The following MRPL3 variants were observed in gnomAD, a reference collection of about 807,000 sequenced individuals.
MRPL3 encodes the protein large ribosomal subunit protein uL3m.
MRPL3 carries 43 observed loss-of-function variants against 44.3 expected under a neutral mutation model. The ratio of observed to expected loss-of-function variants is 0.97; its 90% CI spans 0.76 to 1.25. The LOEUF is 1.25. Among genes scored for constraint, MRPL3 ranks in the 50% most tolerant of loss-of-function variants. The pLI is 0.00. For missense variants in MRPL3, 406 were observed against 427.6 expected (o/e 0.95, Z 0.45); for synonymous variants, 171 against 152.3 (o/e 1.12, Z -0.91).
chr3:131,499,902 C>T (rs1338360373), intron 3 of MRPL3, among the ~76,000 whole-genome samples: 1 of 152,104 alleles, frequency 6.6e-6, no homozygotes, highest in Non-Finnish European at 1.5e-5. Context: ...AATAGAGTAT[C>T]TTTTACAGAT....
intron 6 of MRPL3, among the ~76,000 whole-genome samples, chr3:131,481,693 C>T (rs990677577): frequency 2.6e-5 from 4 of 152,138 alleles, no homozygotes; most frequent in African/African-American, 9.7e-5. Context: ...AATATAACCC[C>T]AACACACTGC....
intron 6 of MRPL3, among the ~76,000 whole-genome samples, chr3:131,473,885 T>A (rs1470305189): frequency 6.6e-6 from 1 of 152,106 alleles, no homozygotes; most frequent in Non-Finnish European, 1.5e-5. Context: ...TTAGAATGGC[T>A]ACTGTCAAAA....
At chr3:131,475,071 C>T (rs1233012597) in intron 6 of MRPL3, among the ~76,000 whole-genome samples, 1 of 152,046 alleles carries the variant, frequency 6.6e-6, no homozygotes, top group Non-Finnish European at 1.5e-5. Context: ...TGTGAGCCAC[C>T]ATGCCAGGCA....
chr3:131,464,721 A>G (rs894141231), intron 9 of MRPL3, among the ~76,000 whole-genome samples: 1 of 152,332 alleles, frequency 6.6e-6, no homozygotes, highest in South Asian at 2.1e-4. Flanking sequence ...GTGAATCCAA[A>G]CAGCAAAACA....
At chr3:131,474,422 G>A (rs961131045) in intron 6 of MRPL3, among the ~76,000 whole-genome samples, 3 of 152,132 alleles carry the variant, frequency 2.0e-5, no homozygotes, top group Non-Finnish European at 2.9e-5. Context: ...GAGGAGGATG[G>A]GGAGAGGTTG....
At chr3:131,483,885 T>C (rs184635635) in intron 6 of MRPL3, among the ~76,000 whole-genome samples, 79 of 152,278 alleles carry the variant, frequency 5.2e-4, no homozygotes, top group African/African-American at 1.4e-3. Flanking sequence ...CATTGAAACA[T>C]TGAAATCTAG....
In MRPL3 at chr3:131,502,734, TC is replaced by T; in HGVS notation, c.87del (p.Asn30ThrfsTer44). The T allele has an allele frequency of 1.2e-6, 2 of 1,608,568 alleles. No homozygotes were observed. Among genetic ancestry groups the T allele is most frequent in the Non-Finnish European group, 1.7e-6 (2 of 1,176,730 alleles). The part of the protein sequence containing the change: ...GDGLGAALGP[G>X]NRTHIWLFVR... ...GACACCCTCACACCTTCCTACCTGT[TC>T]CCCGGGCCCAGGGCAGCACCCAGGC... On this transcript the variant is annotated frameshift_variant, in exon 1 of 10. Coordinates refer to ENST00000264995, the MANE Select transcript of MRPL3 (RefSeq NM_007208.4). LOFTEE classifies it high-confidence loss of function.
Position 131,469,702 on chromosome 3 carries a change from TC to T in MRPL3, c.809del (p.Gly270AspfsTer2), listed in dbSNP as rs1933700305. ...KMGNIYRTEY[G>X]LKVWRINTKH... ...AACCACTTGTAACACTTACTTTCAG[TC>T]CATATTCTGTCCTGTATATGTTTCC... On this transcript the variant is annotated frameshift_variant, in exon 8 of 10. Transcript: ENST00000264995. LOFTEE classifies it high-confidence loss of function. 6.2e-7 allele frequency: 1 copy of T among 1,608,826 alleles called. No homozygotes were observed. The highest frequency in any genetic ancestry group is 1.7e-5 in the Admixed American group (1 of 59,534).
intron 6 of MRPL3, among the ~76,000 whole-genome samples, chr3:131,484,568 G>C (rs1934073956): frequency 6.6e-6 from 1 of 151,974 alleles, no homozygotes; most frequent in South Asian, 2.1e-4. Flanking sequence ...AGTAGAGAGA[G>C]GAGTTTAAAA....
intron 9 of MRPL3, among the ~76,000 whole-genome samples, chr3:131,467,240 GCA>G (rs10522470): frequency 0.02 from 3,060 of 151,006 alleles, 123 homozygotes; most frequent in African/African-American, 0.07. Context: ...CCATACGCGC[GCA>G]CACACACACA....
chr3:131,502,870 T>G lies in MRPL3; in HGVS notation c.-49A>C. 6.4e-7 allele frequency: 1 copy of G among 1,572,128 alleles called. No homozygotes were observed. The highest frequency in any genetic ancestry group is 8.7e-7 in the Non-Finnish European group (1 of 1,149,828). Reference sequence around the variant, plus strand: ...TCACGACTTCCGGGCGCCCTGCCGCTCTGCTTTCAGGGAGTCCCCACGCCA... The same window carrying G: ...TCACGACTTCCGGGCGCCCTGCCGCGCTGCTTTCAGGGAGTCCCCACGCCA... On this transcript the variant is annotated 5_prime_UTR_variant, in exon 1 of 10. Transcript: ENST00000264995.
intron 6 of MRPL3, among the ~76,000 whole-genome samples, chr3:131,476,649 A>G (rs975283485): frequency 2.6e-5 from 4 of 152,226 alleles, no homozygotes; most frequent in African/African-American, 9.6e-5. Context: ...TTAAGAAGAC[A>G]TAAAAGATGT....
intron 5 of MRPL3, among the ~76,000 whole-genome samples, chr3:131,489,575 T>A (rs1934202730): frequency 6.6e-6 from 1 of 152,150 alleles, no homozygotes; most frequent in Non-Finnish European, 1.5e-5. Context: ...AAATTTTAAG[T>A]AAGAATCTTT....
At chr3:131,487,904 ATG>A (rs1443280751) in intron 5 of MRPL3, among the ~76,000 whole-genome samples, 164 bp from the exon 6 acceptor site, 3 of 152,232 alleles carry the variant, frequency 2.0e-5, no homozygotes, top group Admixed American at 6.5e-5. Context: ...TTCAACAAAT[ATG>A]TCTTTTGATT....
At chr3:131,498,396 T>G (rs1934416365) in intron 3 of MRPL3, 119 bp from the exon 4 acceptor site, 1 of 606,118 alleles carries the variant, frequency 1.6e-6, no homozygotes, top group Non-Finnish European at 2.9e-6. Context: ...ACCTCATCTT[T>G]CCTCTAACAC....
intron 1 of MRPL3, 36 bp from the exon 2 acceptor site, chr3:131,501,751 A>G (rs889732632): frequency 6.3e-7 from 1 of 1,592,044 alleles, no homozygotes; most frequent in East Asian, 2.2e-5. Context: ...CCAAACCACA[A>G]TTTAAAAACT....
At chr3:131,465,788 G>C (rs1933586870) in intron 9 of MRPL3, among the ~76,000 whole-genome samples, 1 of 151,912 alleles carries the variant, frequency 6.6e-6, no homozygotes, top group Non-Finnish European at 1.5e-5. Flanking sequence ...AAGTATGACT[G>C]CCTTACTTGG....
At chr3:131,498,594 C>T (rs1251003364) in intron 3 of MRPL3, among the ~76,000 whole-genome samples, 3 of 148,684 alleles carry the variant, frequency 2.0e-5, no homozygotes, top group African/African-American at 5.0e-5. Context: ...CCCAGCTACT[C>T]GGGAGGCTGA....
chr3:131,502,598 C>T, intron 1 of MRPL3, 132 bp downstream of exon 1: 4 of 704,980 alleles, frequency 5.7e-6, no homozygotes, highest in African/African-American at 3.7e-5. Flanking sequence ...AGGTTAACGG[C>T]CCTTATTCTT....
Sources: gnomAD v4.1 joint callset for allele counts (sites outside exome capture counted in the v4.1 genomes callset) on GRCh38, gnomAD v4.1.1 for gene constraint, MANE v1.5 for transcripts, NCBI Gene and HGNC (gene_info 2026-07-23, HGNC 2026-07-21) for gene names.